Variants in ZNF529 observed in about 807,000 individuals in gnomAD.
ZNF529 encodes zinc finger protein 529.
Under a neutral mutation model 10.1 loss-of-function variants are expected in ZNF529, and 11 were observed. The ratio of observed to expected loss-of-function variants is 1.09; its 90% CI spans 0.69 to 1.81. ZNF529 has a LOEUF of 1.81. Ranked by LOEUF, ZNF529 falls within the 40% of genes most tolerant of loss-of-function variation. The pLI, the probability that ZNF529 is intolerant of heterozygous loss-of-function variation, is 0.00. For synonymous variants in ZNF529, 204 were observed against 215.7 expected (o/e 0.95, Z 0.47); for missense variants, 624 against 666.8 (o/e 0.94, Z 0.71).
rs1003374954 is a variant in ZNF529 at position 36,544,441 on chromosome 19, T to C, written c.*2425A>G. ...TGTATACAAGGTTTAGATATTTAGTTTTAATTTGTTTAAGCTGGAAGGAAA... is the reference window on the plus strand; with the variant it reads ...TGTATACAAGGTTTAGATATTTAGTCTTAATTTGTTTAAGCTGGAAGGAAA... On this transcript the variant is annotated 3_prime_UTR_variant, in exon 5 of 5. Coordinates refer to ENST00000591340, the MANE Select transcript of ZNF529 (RefSeq NM_020951.5). The C allele has an allele frequency of 6.6e-6, 1 of 152,200 alleles. No homozygotes were observed. Among genetic ancestry groups the C allele is most frequent in the Non-Finnish European group, 1.5e-5 (1 of 68,038 alleles). 9.4% of individuals were successfully genotyped at this position (152,200 alleles called of 1,614,324 possible).
intron 2 of ZNF529, among the ~76,000 whole-genome samples, chr19:36,560,247 A>G (rs1444164335): frequency 1.5e-5 from 2 of 131,858 alleles, no homozygotes; most frequent in Non-Finnish European, 1.6e-5. Context: ...ACAAGAGCGA[A>G]ACTCCGTCTC....
chr19:36,574,302 G>T (rs747932832), upstream of ZNF529, among the ~76,000 whole-genome samples: 21 of 152,182 alleles, frequency 1.4e-4, no homozygotes, highest in Admixed American at 6.5e-5. Flanking sequence ...GATTGGCAAT[G>T]GGTTGAAAGA....
chr19:36,572,225 G>T (rs1416642914), intron 2 of ZNF529, 108 bp downstream of exon 2: 1 of 1,126,618 alleles, frequency 8.9e-7, no homozygotes, highest in Non-Finnish European at 1.3e-6. Context: ...AGGGAAATGG[G>T]CATTTGGAAA....
intron 2 of ZNF529, among the ~76,000 whole-genome samples, chr19:36,562,810 G>T (rs182507966): frequency 1.4e-5 from 2 of 146,616 alleles, no homozygotes; most frequent in Non-Finnish European, 3.0e-5. Flanking sequence ...CAGCCTGGGC[G>T]ACAGAGCAAC....
rs540992339 is a variant in ZNF529 at position 36,547,599 on chromosome 19, C to A, written c.959G>T (p.Arg320Ile). The change falls in exon 5 of 5, where the codon AGA (arginine) becomes ATA (isoleucine). Residue 320 changes from arginine (R) to isoleucine (I), a missense_variant. Physicochemically the swap from Arg to Ile is moderately conservative, Grantham distance 97. Transcript: ENST00000591340. ...ATGTTCGGTAAGCTGTGAATGAAAT[C>A]TGAAGTCCTTGCCACATTCCATACA... ...YKCMECGKDF[R>I]FHSQLTEHQR... The A allele has an allele frequency of 1.9e-6, 3 of 1,613,774 alleles. No individual in the cohort carries two copies. In the African/African-American group the frequency reaches 4.0e-5, roughly 22 times the overall value.
At chr19:36,603,555 A>G (rs2036964279) in intron 1 of ZNF529, among the ~76,000 whole-genome samples, 1 of 152,226 alleles carries the variant, frequency 6.6e-6, no homozygotes. Context: ...TGCAACTACA[A>G]TGCTTTTCTT....
At chr19:36,595,224 G>A (rs543582450) in intron 1 of ZNF529, among the ~76,000 whole-genome samples, 4 of 152,150 alleles carry the variant, frequency 2.6e-5, no homozygotes, top group African/African-American at 9.6e-5. Flanking sequence ...CAGTAGCATT[G>A]GTCACTACCT....
chr19:36,586,752 A>AT (rs1305717606), intron 2 of ZNF529, among the ~76,000 whole-genome samples: 4 of 152,274 alleles, frequency 2.6e-5, no homozygotes, highest in African/African-American at 9.6e-5. Context: ...CCTGTCTATA[A>AT]TTTGCTTATT....
chr19:36,592,923 T>G (rs2036757064), intron 1 of ZNF529, among the ~76,000 whole-genome samples: 1 of 152,128 alleles, frequency 6.6e-6, no homozygotes, highest in African/African-American at 2.4e-5. Context: ...ATGAAAACTC[T>G]CAGCAAGCTA....
At chr19:36,576,148 C>T (rs936676765), upstream of ZNF529, among the ~76,000 whole-genome samples, 6 of 151,942 alleles carry the variant, frequency 3.9e-5, no homozygotes, top group African/African-American at 1.4e-4. Context: ...CACCCGGCCT[C>T]ACGTGACTTC....
chr19:36,549,600 G>C (rs895418811), intron 4 of ZNF529, among the ~76,000 whole-genome samples: 1 of 152,064 alleles, frequency 6.6e-6, no homozygotes, highest in African/African-American at 2.4e-5. Flanking sequence ...ACATTCATAT[G>C]TATTTATTTT....
upstream of ZNF529, chr19:36,577,418 T>G: frequency 3.8e-6 from 1 of 266,582 alleles, no homozygotes; most frequent in South Asian, 3.2e-5. Flanking sequence ...TTGTCCCATT[T>G]ATACAGCTCT....
chr19:36,580,090 G>C (rs1281456105), intron 2 of ZNF529, among the ~76,000 whole-genome samples: 1 of 151,868 alleles, frequency 6.6e-6, no homozygotes, highest in Non-Finnish European at 1.5e-5. Context: ...CTTTAGCCTG[G>C]GCCTACACAG....
intron 2 of ZNF529, among the ~76,000 whole-genome samples, chr19:36,578,847 C>T (rs1416687724): frequency 6.6e-6 from 1 of 151,886 alleles, no homozygotes; most frequent in Non-Finnish European, 1.5e-5. Flanking sequence ...ATCTGCCAGC[C>T]TTGGCCTCCC....
At chr19:36,596,041 T>C (rs1251048625) in intron 1 of ZNF529, among the ~76,000 whole-genome samples, 1 of 150,160 alleles carries the variant, frequency 6.7e-6, no homozygotes, top group Non-Finnish European at 1.5e-5. Flanking sequence ...TATTGACCTT[T>C]TTATATCCTG....
At chr19:36,603,349 A>T (rs1387887819) in intron 1 of ZNF529, among the ~76,000 whole-genome samples, 2 of 152,198 alleles carry the variant, frequency 1.3e-5, no homozygotes, top group Non-Finnish European at 2.9e-5. Context: ...GCATCTGATG[A>T]GGTACTGGAA....
chr19:36,576,437 G>C (rs1229999693), upstream of ZNF529, among the ~76,000 whole-genome samples: 2 of 151,876 alleles, frequency 1.3e-5, no homozygotes, highest in Admixed American at 6.6e-5. Context: ...TGGATATTTT[G>C]GCCGGGCGCG....
In ZNF529 at chr19:36,546,827, G is replaced by T; in HGVS notation, c.*39C>A. 1 of 1,560,554 alleles carries T rather than the reference G, an allele frequency of 6.4e-7. No individual in the cohort carries two copies. The highest frequency in any genetic ancestry group is 8.7e-7 in the Non-Finnish European group (1 of 1,154,698). ...TTAAATCCATCCACAGTATTTTCCT[G>T]TGAAAATCAGAAATAAAAAACCACT... is the stretch of plus-strand genomic sequence containing the variant. On this transcript the variant is annotated 3_prime_UTR_variant, in exon 5 of 5. Coordinates refer to ENST00000591340, the MANE Select transcript of ZNF529 (RefSeq NM_020951.5).
chr19:36,553,201 C>T (rs2035329937), intron 4 of ZNF529, among the ~76,000 whole-genome samples: 1 of 152,204 alleles, frequency 6.6e-6, no homozygotes, highest in African/African-American at 2.4e-5. Context: ...TCTTGGCTCA[C>T]TGCAACCTCT....
Sources: gnomAD v4.1 joint callset for allele counts (sites outside exome capture counted in the v4.1 genomes callset) on GRCh38, gnomAD v4.1.1 for gene constraint, MANE v1.5 for transcripts, NCBI Gene and HGNC (gene_info 2026-07-23, HGNC 2026-07-21) for gene names.